FCHO1: variants seen among roughly 807,000 people sequenced by gnomAD.
FCHO1 encodes FCH and mu domain containing endocytic adaptor 1.
FCHO1 carries 45 observed loss-of-function variants against 114.4 expected under a neutral mutation model. The observed-to-expected ratio is 0.39, with a 90% CI of 0.31 to 0.50. The LOEUF (loss-of-function observed/expected upper bound fraction) is 0.50. Ranked by LOEUF, FCHO1 falls within the 20% of genes least tolerant of loss-of-function variation. The pLI is 0.77. For missense variants in FCHO1, 1,042 were observed against 1,209.6 expected (o/e 0.86, Z 2.06); for synonymous variants, 480 against 488.9 (o/e 0.98, Z 0.24).
At chr19:17,787,484 C>G (rs1168072671) in intron 27 of FCHO1, among the ~76,000 whole-genome samples, 198 bp from the exon 28 acceptor site, 1 of 151,900 alleles carries the variant, frequency 6.6e-6, no homozygotes. Flanking sequence ...GTGCAAAGGC[C>G]CTGAGGCAGG....
intron 4 of FCHO1, 53 bp from the exon 5 acceptor site, chr19:17,762,709 C>A: frequency 1.5e-6 from 2 of 1,359,344 alleles, no homozygotes; most frequent in Non-Finnish European, 2.1e-6. Context: ...CGTTGCTAAG[C>A]AACTATGATG....
intron 26 of FCHO1, among the ~76,000 whole-genome samples, chr19:17,785,779 A>G (rs1322593805): frequency 1.4e-5 from 2 of 147,596 alleles, no homozygotes; most frequent in Non-Finnish European, 3.0e-5. Flanking sequence ...GGTTGCAGTG[A>G]GCTGAGATCA....
intron 24 of FCHO1, among the ~76,000 whole-genome samples, chr19:17,783,604 G>C (rs2093626623): frequency 6.7e-6 from 1 of 149,134 alleles, no homozygotes; most frequent in East Asian, 2.0e-4. Context: ...TTTTGAGATG[G>C]AGTTTTGCTC....
At position 17,770,475 on chromosome 19, in the gene FCHO1, C is replaced by T. The variant is rs759911593; in HGVS notation, c.387C>T (p.Gly129=). The change falls in exon 8 of 29, where the codon GGC becomes GGT. Residue 129 remains glycine, a synonymous_variant. Transcript: ENST00000596536. ...TGGATGCTGTGCAGGTACTCTCGGGCGTCAGCCAGCTCCTGCCCAAGTCCC... is the reference window on the plus strand; with the variant it reads ...TGGATGCTGTGCAGGTACTCTCGGGTGTCAGCCAGCTCCTGCCCAAGTCCC... ...STLDAVQVLS[G]VSQLLPKSRE... The T allele has an allele frequency of 3.5e-5, 56 of 1,613,764 alleles. No individual in the cohort carries two copies. The Admixed American group carries it at 4.7e-4, about 13-fold the overall frequency.
Position 17,778,844 on chromosome 19 carries a change from G to T in FCHO1, c.1587G>T (p.Ser529=), listed in dbSNP as rs372516949. ...PLPDSPQPLA[S]SPGPWGLEAL... ...CAGACTCGCCGCAGCCCCTCGCCTCGTCTCCAGGCCCCTGGGGGCTGGAGG... is the reference window on the plus strand; with the variant it reads ...CAGACTCGCCGCAGCCCCTCGCCTCTTCTCCAGGCCCCTGGGGGCTGGAGG... Residue 529 remains serine, a synonymous_variant, in exon 20 of 29, where the codon TCG becomes TCT. Coordinates refer to ENST00000596536, the MANE Select transcript of FCHO1 (RefSeq NM_015122.3). 33 of 1,564,436 alleles carry T rather than the reference G, an allele frequency of 2.1e-5. No individual in the cohort carries two copies. Among genetic ancestry groups the T allele is most frequent in the Admixed American group, 7.3e-5 (4 of 55,138 alleles).
At chr19:17,762,716 G>C (rs761157407) in intron 4 of FCHO1, 46 bp from the exon 5 acceptor site, 90 of 1,408,878 alleles carry the variant, frequency 6.4e-5, no homozygotes, top group Non-Finnish European at 8.3e-5. Context: ...AAGCAACTAT[G>C]ATGTTCTCTC....
At chr19:17,781,080 G>A in intron 20 of FCHO1, 151 bp from the exon 21 acceptor site, 1 of 618,476 alleles carries the variant, frequency 1.6e-6, no homozygotes, top group Non-Finnish European at 2.9e-6. Context: ...GTCCTGTCTG[G>A]CACCTTTTCT....
intron 1 of FCHO1, among the ~76,000 whole-genome samples, chr19:17,753,464 C>T (rs758350285): frequency 3.9e-5 from 6 of 152,168 alleles, no homozygotes; most frequent in Admixed American, 2.6e-4. Flanking sequence ...TCCATCTGGC[C>T]CAGCCCTGAC....
Position 17,757,325 on chromosome 19 carries a change from C to T in FCHO1, c.27+2134C>T, listed in dbSNP as rs973861959. Among the ~76,000 whole-genome samples the T allele has an allele frequency of 3.3e-4, 50 of 152,246 alleles. 1 individual carries two copies. The highest frequency in any genetic ancestry group is 1.2e-3 in the African/African-American group (48 of 41,532). On this transcript the variant is annotated intron_variant, in intron 4 of 28. Coordinates refer to ENST00000596536, the MANE Select transcript of FCHO1 (RefSeq NM_015122.3). ...GCCAGCCCAGTCCAAGAGAGGCAGA[C>T]GCTGCTGGGGGTTTGCCAGGTCTGG... is the stretch of plus-strand genomic sequence containing the variant.
chr19:17,775,893 G>T lies in FCHO1; in HGVS notation c.1004-90G>T. On this transcript the variant is annotated intron_variant, in intron 15 of 28. Coordinates refer to ENST00000596536, the MANE Select transcript of FCHO1 (RefSeq NM_015122.3). This position sits in a 1 kb window ranked among gnomAD's most constrained non-coding sequence, Gnocchi z 5.1. ...GATGGGATTGGGCAGGACCTCGAAG[G>T]GTTTGAGCAGGGAGGGACGAGGCTG... 2 of 1,490,902 alleles carry T rather than the reference G, an allele frequency of 1.3e-6. No homozygotes were observed. Among genetic ancestry groups the T allele is most frequent in the Non-Finnish European group, 1.8e-6 (2 of 1,099,278 alleles). The allele number at this position is 1,490,902 out of a possible 1,614,324, so 92.4% of individuals were successfully genotyped here.
chr19:17,782,969 C>T (rs756827330), intron 23 of FCHO1, 48 bp from the exon 24 acceptor site: 2 of 1,596,082 alleles, frequency 1.3e-6, no homozygotes, highest in Admixed American at 3.4e-5. Flanking sequence ...AAGGATGAGG[C>T]ACCAGGCAGA....
chr19:17,773,011 C>G (rs1298728429), intron 11 of FCHO1, among the ~76,000 whole-genome samples: 1 of 152,160 alleles, frequency 6.6e-6, no homozygotes, highest in African/African-American at 2.4e-5. Context: ...AAGTCCAGCT[C>G]TCCAGCCTGA....
chr19:17,747,922 A>T (rs2080926776), upstream of FCHO1: 1 of 152,216 alleles, frequency 6.6e-6, no homozygotes, highest in Admixed American at 6.5e-5. Flanking sequence ...GCGCGGCGGG[A>T]CGCGAGGGAT....
chr19:17,753,340 T>C (rs934205407), intron 1 of FCHO1, among the ~76,000 whole-genome samples: 1 of 152,190 alleles, frequency 6.6e-6, no homozygotes, highest in African/African-American at 2.4e-5. Flanking sequence ...CAGTGCAGGG[T>C]TGGGAATGTT....
At chr19:17,785,067 T>C in intron 26 of FCHO1, 143 bp downstream of exon 26, 1 of 773,750 alleles carries the variant, frequency 1.3e-6, no homozygotes, top group South Asian at 1.6e-5. Context: ...AGGGTGATGT[T>C]ATGAGTGCCA....
chr19:17,778,150 T>C lies in FCHO1; in HGVS notation c.1273T>C (p.Leu425=), dbSNP rs1395737413. Reference sequence around the variant, plus strand: ...CACCCTCTCTAGCTGTGCAGAGAGATTGCAGTCAGAGGAGCAGGTGTCCAA... The same window carrying C: ...CACCCTCTCTAGCTGTGCAGAGAGACTGCAGTCAGAGGAGCAGGTGTCCAA... ...APRTSSCAER[L]QSEEQVSKNL... is the part of the protein sequence containing the mutation. Residue 425 remains leucine, a synonymous_variant, in exon 19 of 29, where the codon TTG becomes CTG. Coordinates refer to ENST00000596536, the MANE Select transcript of FCHO1 (RefSeq NM_015122.3). 1.9e-6 allele frequency: 3 copies of C among 1,613,682 alleles called. No individual in the cohort carries two copies. Among genetic ancestry groups the C allele is most frequent in the African/African-American group, 2.7e-5 (2 of 74,892 alleles).
At position 17,759,226 on chromosome 19, in the gene FCHO1, C is replaced by CTTTTTTTTTTTTTTT. The variant is rs1473282318; in HGVS notation, c.28-3522_28-3521insTTTTTTTTTTTTTTT. Reference sequence around the variant, plus strand: ...GTTCCCTCAGACCCCAGCTGATTACCTTTTTTTTTTTTTTGAGACAGAGTC... The same window carrying CTTTTTTTTTTTTTTT: ...GTTCCCTCAGACCCCAGCTGATTACCTTTTTTTTTTTTTTTTTTTTTTTTTTTTTGAGACAGAGTC... On this transcript the variant is annotated intron_variant, in intron 4 of 28. Coordinates refer to ENST00000596536, the MANE Select transcript of FCHO1 (RefSeq NM_015122.3). 9.8e-3 allele frequency among the ~76,000 whole-genome samples: 1,040 copies of CTTTTTTTTTTTTTTT among 105,696 alleles called. 47 individuals are homozygous for CTTTTTTTTTTTTTTT. The highest frequency in any genetic ancestry group is 0.013 in the East Asian group (40 of 3,086). The allele number at this position is 105,696 out of a possible 152,430, so 69.3% of individuals were successfully genotyped here. A position where few individuals can be genotyped will look rare whatever the true frequency, so the allele number is the denominator to read the frequency against.
intron 4 of FCHO1, among the ~76,000 whole-genome samples, chr19:17,760,821 G>T (rs1227226824): frequency 6.6e-6 from 1 of 151,974 alleles, no homozygotes; most frequent in Non-Finnish European, 1.5e-5. Flanking sequence ...GGCTAATTTT[G>T]CATTTTTAGT....
At chr19:17,760,155 G>A (rs1171531688) in intron 4 of FCHO1, among the ~76,000 whole-genome samples, 1 of 151,868 alleles carries the variant, frequency 6.6e-6, no homozygotes, top group East Asian at 1.9e-4. Context: ...GGGTTCAAGC[G>A]ATTCTCCTGC....
Sources: allele counts gnomAD v4.1 joint callset (sites outside exome capture counted in the v4.1 genomes callset), GRCh38; gene constraint gnomAD v4.1.1; non-coding constraint Gnocchi (gnomAD v3.1); transcripts MANE v1.5; gene names NCBI Gene and HGNC (gene_info 2026-07-23, HGNC 2026-07-21).